Variants in SLC15A5 observed in about 807,000 individuals in gnomAD.
The protein encoded by SLC15A5 is solute carrier family 15 member 5, also known as Peptide/histidine transporter ENSP00000340402.
A neutral mutation model predicts 56.1 loss-of-function variants in SLC15A5; 58 were observed. The observed-to-expected ratio is 1.03, with a 90% CI of 0.84 to 1.29. SLC15A5 has a LOEUF of 1.29. SLC15A5 is among the 50% of genes most tolerant of loss of function. SLC15A5 has a pLI of 0.00. For missense variants in SLC15A5, 681 were observed against 672.1 expected (o/e 1.01, Z -0.15); for synonymous variants, 264 against 250.5 (o/e 1.05, Z -0.51).
chr12:16,252,212 A>G (rs1565671006), intron 3 of SLC15A5, among the ~76,000 whole-genome samples: 2 of 152,062 alleles, frequency 1.3e-5, no homozygotes, highest in Non-Finnish European at 2.9e-5. Context: ...ATCATACTCA[A>G]TGGGAAAGAC....
rs150550825 is a variant in SLC15A5, at chr12:16,243,041, G to A, written c.975+1539C>T. On this transcript the variant is annotated intron_variant, in intron 4 of 8. Coordinates refer to ENST00000344941, the MANE Select transcript of SLC15A5 (RefSeq NM_001170798.1). This position sits in a 1 kb window ranked among gnomAD's most constrained non-coding sequence, Gnocchi z 4.4. ...GAGGTCAAGAAATTTTCTGTAAAGG[G>A]CCAGATAGTAAATATGTCCACATAT... Among the ~76,000 whole-genome samples, 1 of 152,112 alleles carries A rather than the reference G, an allele frequency of 6.6e-6. No homozygotes were observed. The highest frequency in any genetic ancestry group is 1.5e-5 in the Non-Finnish European group (1 of 68,006).
chr12:16,245,507 T>G (rs1178231519), intron 3 of SLC15A5, among the ~76,000 whole-genome samples: 1 of 152,216 alleles, frequency 6.6e-6, no homozygotes, highest in Non-Finnish European at 1.5e-5. Context: ...GCAACCTCAT[T>G]GTTGCTTCTT....
chr12:16,205,451 T>C (rs570810443), intron 7 of SLC15A5, among the ~76,000 whole-genome samples: 3 of 150,302 alleles, frequency 2.0e-5, no homozygotes, highest in Admixed American at 6.7e-5. Context: ...TTAATGATCA[T>C]AGAAAAGGAT....
At chr12:16,244,285 C>T (rs577430224) in intron 4 of SLC15A5, among the ~76,000 whole-genome samples, 2 of 152,284 alleles carry the variant, frequency 1.3e-5, no homozygotes, top group Non-Finnish European at 2.9e-5. Flanking sequence ...CTGATATGTT[C>T]GTGCACTGCT....
At chr12:16,226,392 G>C (rs562277324) in intron 5 of SLC15A5, among the ~76,000 whole-genome samples, 1 of 151,998 alleles carries the variant, frequency 6.6e-6, no homozygotes, top group Non-Finnish European at 1.5e-5. Flanking sequence ...ATAAAGCAAT[G>C]TTTTAAAACT....
intron 7 of SLC15A5, among the ~76,000 whole-genome samples, chr12:16,215,978 T>C (rs1796439326): frequency 1.3e-5 from 2 of 152,178 alleles, no homozygotes; most frequent in African/African-American, 4.8e-5. Flanking sequence ...GAATGGAGGT[T>C]TAGTGTTAAA....
intron 2 of SLC15A5, among the ~76,000 whole-genome samples, chr12:16,263,214 G>A (rs1165032515): frequency 2.6e-5 from 4 of 152,178 alleles, no homozygotes; most frequent in Admixed American, 2.6e-4. Flanking sequence ...ATGAAATCCA[G>A]GTTGAAGTGG....
chr12:16,261,065 A>G (rs1042968519), intron 2 of SLC15A5, among the ~76,000 whole-genome samples: 1 of 151,956 alleles, frequency 6.6e-6, no homozygotes, highest in African/African-American at 2.4e-5. Flanking sequence ...TTTTTTTTAA[A>G]GAGCTTTATT....
At chr12:16,256,950 A>ATAGT (rs1864581953) in intron 3 of SLC15A5, among the ~76,000 whole-genome samples, 1 of 142,230 alleles carries the variant, frequency 7.0e-6, no homozygotes, top group African/African-American at 2.6e-5. Context: ...AGATAGATAG[A>ATAGT]TAGTTTCTGG....
rs542368936 is a variant in SLC15A5 at position 16,219,190 on chromosome 12, C to T, written c.1352-2166G>A. The stretch of plus-strand genomic sequence containing the variant: ...GCTAAATGTGCACTTTTCCCACAAA[C>T]GCTGATTGGAGATGAAGATAATAAT... On this transcript the variant is annotated intron_variant, in intron 6 of 8. Coordinates refer to ENST00000344941, the MANE Select transcript of SLC15A5 (RefSeq NM_001170798.1). Among the ~76,000 whole-genome samples, 189 of 152,180 alleles carry T rather than the reference C, an allele frequency of 1.2e-3. 1 individual carries two copies. The highest frequency in any genetic ancestry group is 4.4e-3 in the African/African-American group (183 of 41,542).
chr12:16,192,275 C>T (rs143457584), intron 8 of SLC15A5, among the ~76,000 whole-genome samples: 6 of 152,198 alleles, frequency 3.9e-5, no homozygotes, highest in African/African-American at 1.4e-4. Flanking sequence ...TTCTTCCTCT[C>T]TCTCTATCTT....
intron 5 of SLC15A5, among the ~76,000 whole-genome samples, chr12:16,238,410 G>A (rs1342841240): frequency 3.3e-5 from 5 of 152,078 alleles, no homozygotes; most frequent in Admixed American, 1.3e-4. Context: ...GGCGGATCAC[G>A]AGGTCAGGAG....
chr12:16,267,132 G>T (rs551409458), intron 2 of SLC15A5, among the ~76,000 whole-genome samples: 10 of 152,322 alleles, frequency 6.6e-5, no homozygotes, highest in African/African-American at 2.4e-4. Flanking sequence ...TTCCTAATCT[G>T]AGACAGTATC....
At chr12:16,191,615 T>C (rs1040212006) in intron 8 of SLC15A5, among the ~76,000 whole-genome samples, 1 of 152,146 alleles carries the variant, frequency 6.6e-6, no homozygotes, top group Non-Finnish European at 1.5e-5. Context: ...CTTTGCATGC[T>C]TATTGTTCAT....
At chr12:16,209,502 T>A (rs1338955369) in intron 7 of SLC15A5, among the ~76,000 whole-genome samples, 2 of 152,182 alleles carry the variant, frequency 1.3e-5, no homozygotes, top group Non-Finnish European at 2.9e-5. Context: ...AAAGACCTTT[T>A]TTTCTGGCCT....
chr12:16,234,633 G>C (rs1864329827), intron 5 of SLC15A5, among the ~76,000 whole-genome samples: 1 of 152,140 alleles, frequency 6.6e-6, no homozygotes, highest in Non-Finnish European at 1.5e-5. Flanking sequence ...ATTATATTCA[G>C]ATAAATAATG....
At position 16,244,580 on chromosome 12, in the gene SLC15A5, C is replaced by G; in HGVS notation, c.975G>C (p.Gln325His). The change falls in exon 4 of 9, where the codon CAG (glutamine) becomes CAC (histidine). Residue 325 changes from glutamine (Q) to histidine (H), a missense_variant and splice_region_variant. Transcript: ENST00000344941. Reference sequence around the variant, plus strand: ...GGTAGTACTCATCGCCTGTCCTTACCTGCATAATGCACATTCTGTATAGGA... The same window carrying G: ...GGTAGTACTCATCGCCTGTCCTTACGTGCATAATGCACATTCTGTATAGGA... The part of the protein sequence containing the change: ...FQLLYRMCIM[Q>H]IPSGYYLQTM... The G allele has an allele frequency of 1.3e-6, 2 of 1,537,342 alleles. No homozygotes were observed. The highest frequency in any genetic ancestry group is 8.7e-7 in the Non-Finnish European group (1 of 1,146,862).
At position 16,189,624 on chromosome 12, in the gene SLC15A5, C is replaced by T. The variant is rs957936211; in HGVS notation, c.*44G>A. 6 of 1,372,868 alleles carry T rather than the reference C, an allele frequency of 4.4e-6. No individual in the cohort carries two copies. The Admixed American group carries it at 1.5e-4, about 35-fold the overall frequency. 85.0% of individuals were successfully genotyped at this position (1,372,868 alleles called of 1,614,324 possible). A position where few individuals can be genotyped will look rare whatever the true frequency, so the allele number is the denominator to read the frequency against. ...TAAAATGCTCAACTGAAGAAGAAAA[C>T]AATGAATACTGTTCTCATAAGACAG... On this transcript the variant is annotated 3_prime_UTR_variant, in exon 9 of 9. Transcript: ENST00000344941.
intron 5 of SLC15A5, among the ~76,000 whole-genome samples, chr12:16,229,678 A>ACACG (rs1864276501): frequency 6.7e-6 from 1 of 149,774 alleles, no homozygotes; most frequent in Non-Finnish European, 1.5e-5. Context: ...ACACACACAC[A>ACACG]CACACAATCT....
Sources: gnomAD v4.1 joint callset for allele counts (sites outside exome capture counted in the v4.1 genomes callset) on GRCh38, gnomAD v4.1.1 for gene constraint, Gnocchi (gnomAD v3.1) non-coding constraint, MANE v1.5 for transcripts, NCBI Gene and HGNC (gene_info 2026-07-23, HGNC 2026-07-21) for gene names.